LDB3: variants seen among roughly 807,000 people sequenced by gnomAD.
LDB3 encodes LIM domain-binding protein 3.
LDB3 carries 49 observed loss-of-function variants against 69.0 expected under a neutral mutation model. The ratio of observed to expected loss-of-function variants is 0.71; its 90% CI spans 0.56 to 0.90. The LOEUF (loss-of-function observed/expected upper bound fraction) is 0.90. Ranked by LOEUF, LDB3 falls within the 40% of genes least tolerant of loss-of-function variation. The pLI, the probability that LDB3 is intolerant of heterozygous loss-of-function variation, is 0.00. For missense variants in LDB3, 928 were observed against 974.1 expected (o/e 0.95, Z 0.63); for synonymous variants, 387 against 396.2 (o/e 0.98, Z 0.28).
At chr10:86,718,373 C>T (rs1339345508) in intron 11 of LDB3, among the ~76,000 whole-genome samples, 3 of 152,196 alleles carry the variant, frequency 2.0e-5, no homozygotes, top group Non-Finnish European at 4.4e-5. Flanking sequence ...GGTGGAACTT[C>T]TGCAAAGCAA....
chr10:86,713,800 A>G (rs59709955), intron 9 of LDB3, among the ~76,000 whole-genome samples: 36,117 of 152,084 alleles, frequency 0.24, 4,782 homozygotes, highest in East Asian at 0.6. Flanking sequence ...TCCATTCACT[A>G]TGTCACCCCA....
At chr10:86,725,336 C>G (rs1192236475) in intron 12 of LDB3, among the ~76,000 whole-genome samples, 3 of 152,130 alleles carry the variant, frequency 2.0e-5, no homozygotes, top group Non-Finnish European at 4.4e-5. Flanking sequence ...TTCTCATCCA[C>G]AAAACAAAAC....
Position 86,716,468 on chromosome 10 carries a change from C to T in LDB3, c.1373C>T (p.Ala458Val). Residue 458 changes from alanine (A) to valine (V), a missense_variant, in exon 10 of 14, where the codon GCA becomes GTA. Physicochemically the swap from Ala to Val is moderately conservative, Grantham distance 64 (BLOSUM62 0). Coordinates refer to ENST00000361373, the MANE Select transcript of LDB3 (RefSeq NM_007078.3). ...GTCCCCACCTACACTCCATCCCCAG[C>T]ACCAGCCTATACCCCCTCACCTGCC... is the stretch of plus-strand genomic sequence containing the variant. ...SPVPTYTPSP[A>V]PAYTPSPAPN... The T allele has an allele frequency of 1.2e-6, 2 of 1,608,206 alleles. No homozygotes were observed. Among genetic ancestry groups the T allele is most frequent in the Middle Eastern group, 1.7e-4 (1 of 6,032 alleles).
upstream of LDB3, chr10:86,668,337 C>T (rs1844260741): frequency 5.4e-6 from 2 of 368,700 alleles, no homozygotes; most frequent in Admixed American, 3.7e-5. Context: ...TCCCCTTCCT[C>T]CCCCCTGGGG....
chr10:86,728,581 C>CTTTTGTTTTTT (rs1554868867), intron 13 of LDB3, among the ~76,000 whole-genome samples: 2,786 of 97,530 alleles, frequency 0.029, 130 homozygotes, highest in African/African-American at 0.095. Flanking sequence ...GAACATGGTT[C>CTTTTGTTTTTT]TTTTGTTTTT....
rs1338512285 is a variant in LDB3, at chr10:86,681,807, G to A, written c.689+4G>A. The A allele has an allele frequency of 6.3e-7, 1 of 1,589,654 alleles. No homozygotes were observed. Among genetic ancestry groups the A allele is most frequent in the Non-Finnish European group, 8.6e-7 (1 of 1,169,412 alleles). ...CGGGTGTCGGACTCCCAGGAGGGTAGGTAACGGACATACAGCTCTCCACAG... is the reference window on the plus strand; with the variant it reads ...CGGGTGTCGGACTCCCAGGAGGGTAAGTAACGGACATACAGCTCTCCACAG... On this transcript the variant is annotated splice_donor_region_variant and intron_variant, in intron 5 of 13. Transcript: ENST00000361373.
chr10:86,726,543 C>T (rs976819001), intron 13 of LDB3: 42 of 447,042 alleles, frequency 9.4e-5, no homozygotes, highest in Middle Eastern at 6.4e-4. Flanking sequence ...GTGTTGTCAG[C>T]GGGCAAAAGC....
chr10:86,729,138 C>G (rs1483375871), intron 13 of LDB3, among the ~76,000 whole-genome samples: 1 of 152,154 alleles, frequency 6.6e-6, no homozygotes, highest in Non-Finnish European at 1.5e-5. Flanking sequence ...CCAAATATTC[C>G]TGGCATTTGG....
intron 5 of LDB3, among the ~76,000 whole-genome samples, chr10:86,686,819 A>AAAG (rs1221888972): frequency 1.3e-5 from 2 of 151,224 alleles, no homozygotes; most frequent in Non-Finnish European, 3.0e-5. Context: ...AAAAAAAAAA[A>AAAG]AAGAAAGAAA....
At chr10:86,680,648 A>C (rs958532293) in intron 4 of LDB3, among the ~76,000 whole-genome samples, 1 of 152,094 alleles carries the variant, frequency 6.6e-6, no homozygotes, top group African/African-American at 2.4e-5. Flanking sequence ...TCCCAAGTGC[A>C]TTCCCCTGTA....
At chr10:86,691,722 C>G (rs1441091255) in intron 5 of LDB3, among the ~76,000 whole-genome samples, 174 bp from the exon 6 acceptor site, 1 of 152,118 alleles carries the variant, frequency 6.6e-6, no homozygotes. Context: ...TGCGACCAAT[C>G]TGAGCACCGA....
At chr10:86,731,028 G>A (rs897604587) in intron 13 of LDB3, among the ~76,000 whole-genome samples, 3 of 151,304 alleles carry the variant, frequency 2.0e-5, no homozygotes, top group Admixed American at 6.6e-5. Flanking sequence ...GGTGGTGGGC[G>A]CCTGTAATCC....
At chr10:86,713,173 C>T (rs1846732088) in intron 9 of LDB3, among the ~76,000 whole-genome samples, 1 of 152,124 alleles carries the variant, frequency 6.6e-6, no homozygotes, top group Admixed American at 6.5e-5. Flanking sequence ...CTTGGTCGGA[C>T]TAGCCACATT....
At chr10:86,704,073 C>T (rs1846354162) in intron 7 of LDB3, among the ~76,000 whole-genome samples, 1 of 151,218 alleles carries the variant, frequency 6.6e-6, no homozygotes, top group Non-Finnish European at 1.5e-5. Context: ...GAGATCGCGA[C>T]ATTGCACTCC....
rs1847531540 is a variant in LDB3 at position 86,733,022 on chromosome 10, T to G, written c.*46T>G. The G allele has an allele frequency of 3.7e-6, 5 of 1,367,834 alleles. No homozygotes were observed. In the South Asian group the frequency reaches 6.0e-5, roughly 16 times the overall value. The allele number at this position is 1,367,834 out of a possible 1,614,324, so 84.7% of individuals were successfully genotyped here. Reference sequence around the variant, plus strand: ...TGACGAGGCCCGGAGCTGCTCCTGCTGCTGGCAACAAAGGATTCGGGAGGC... The same window carrying G: ...TGACGAGGCCCGGAGCTGCTCCTGCGGCTGGCAACAAAGGATTCGGGAGGC... On this transcript the variant is annotated 3_prime_UTR_variant, in exon 14 of 14. Transcript: ENST00000361373.
At chr10:86,676,332 G>A (rs545201235) in intron 2 of LDB3, among the ~76,000 whole-genome samples, 1 of 152,168 alleles carries the variant, frequency 6.6e-6, no homozygotes, top group Non-Finnish European at 1.5e-5. Context: ...GGAGGCTGAG[G>A]CAGGCCAATC....
intron 5 of LDB3, among the ~76,000 whole-genome samples, chr10:86,686,304 C>T (rs111318302): frequency 0.055 from 8,413 of 152,292 alleles, 338 homozygotes; most frequent in Non-Finnish European, 0.078. Flanking sequence ...TGCTCAGAAT[C>T]CCTGCGGGTG....
Position 86,668,798 on chromosome 10 carries a change from G to C in LDB3, c.93+14G>C. ...ACTATCTCCCGGGTGAGTGCACCCT[G>C]CCACAGCCTGGCACCCGATGGGGCA... On this transcript the variant is annotated intron_variant, in intron 2 of 13. Coordinates refer to ENST00000361373, the MANE Select transcript of LDB3 (RefSeq NM_007078.3). 1 of 1,605,090 alleles carries C rather than the reference G, an allele frequency of 6.2e-7. No homozygotes were observed. Among genetic ancestry groups the C allele is most frequent in the Non-Finnish European group, 8.5e-7 (1 of 1,172,706 alleles).
rs529178109 is a variant in LDB3, at chr10:86,716,525, A to G, written c.1430A>G (p.Tyr477Cys). The change falls in exon 10 of 14, where the codon TAC becomes TGC. Residue 477 changes from tyrosine to cysteine, a missense_variant. Coordinates refer to ENST00000361373, the MANE Select transcript of LDB3 (RefSeq NM_007078.3). ...PNYNPAPSVAYSGGPAEPASR... is the reference protein window; with the variant it reads ...PNYNPAPSVACSGGPAEPASR... ...TATAACCCTGCACCCTCGGTGGCCTACAGCGGGGGCCCTGCGGAGCCTGCC... is the reference window on the plus strand; with the variant it reads ...TATAACCCTGCACCCTCGGTGGCCTGCAGCGGGGGCCCTGCGGAGCCTGCC... 3.1e-5 allele frequency: 50 copies of G among 1,612,684 alleles called. No homozygotes were observed. In the South Asian group the frequency reaches 5.5e-4, roughly 18 times the overall value.
Sources: gnomAD v4.1 joint callset for allele counts (sites outside exome capture counted in the v4.1 genomes callset) on GRCh38, gnomAD v4.1.1 for gene constraint, MANE v1.5 for transcripts, NCBI Gene and HGNC (gene_info 2026-07-23, HGNC 2026-07-21) for gene names.